The following HERC2 variants were observed in gnomAD, a reference collection of about 807,000 sequenced individuals.
The protein encoded by HERC2 is E3 ubiquitin-protein ligase HERC2.
Under a neutral mutation model 537.7 loss-of-function variants are expected in HERC2, and 102 were observed. That is an observed-to-expected ratio of 0.19 (90% CI 0.16 to 0.22). HERC2 has a LOEUF of 0.22. Ranked by LOEUF, HERC2 falls within the 10% of genes least tolerant of loss-of-function variation. The pLI, the probability that HERC2 is intolerant of heterozygous loss-of-function variation, is 1.00. For synonymous variants in HERC2, 2,224 were observed against 2,466.2 expected (o/e 0.90, Z 2.91); for missense variants, 4,236 against 6,198.2 (o/e 0.68, Z 10.63).
Position 28,176,908 on chromosome 15 carries a change from G to A in HERC2, c.9432+42C>T, listed in dbSNP as rs776139257. On this transcript the variant is annotated intron_variant, in intron 61 of 92. Transcript: ENST00000261609. This position sits in a 1 kb window ranked among gnomAD's most constrained non-coding sequence, Gnocchi z 5.0. ...AGCTTATTTTCTCTTGACATCTTCA[G>A]ATGGTAAGCTTTCTGCAAGCAACAA... 2 of 1,595,838 alleles carry A rather than the reference G, an allele frequency of 1.3e-6. No individual in the cohort carries two copies. The highest frequency in any genetic ancestry group is 2.2e-5 in the East Asian group (1 of 44,530).
intron 4 of HERC2, among the ~76,000 whole-genome samples, chr15:28,288,822 T>C (rs2076232537): frequency 6.9e-6 from 1 of 145,492 alleles, no homozygotes; most frequent in African/African-American, 2.6e-5. Flanking sequence ...CACTCCAGTC[T>C]GGGCAACAAC....
At chr15:28,304,367 T>C (rs1430931067) in intron 2 of HERC2, among the ~76,000 whole-genome samples, 3 of 129,290 alleles carry the variant, frequency 2.3e-5, no homozygotes, top group Admixed American at 1.5e-4. Context: ...TTATTTCTTC[T>C]TTTTTTTTTT....
At position 28,141,574 on chromosome 15, in the gene HERC2, C is replaced by A; in HGVS notation, c.11873G>T (p.Gly3958Val). 6.2e-7 allele frequency: 1 copy of A among 1,614,130 alleles called. No individual in the cohort carries two copies. The highest frequency in any genetic ancestry group is 8.5e-7 in the Non-Finnish European group (1 of 1,180,028). The change falls in exon 78 of 93, where the codon GGA (glycine) becomes GTA (valine). Residue 3958 changes from glycine (G) to valine (V), a missense_variant. Gly to Val is a moderately radical substitution (Grantham distance 109, BLOSUM62 -3). Transcript: ENST00000261609. ...CCCGAGCTGGCCCCTGTGATTATGTCCCCATCCATAAATTGTTCCACTGCC... is the reference window on the plus strand; with the variant it reads ...CCCGAGCTGGCCCCTGTGATTATGTACCCATCCATAAATTGTTCCACTGCC... ...AGGSGTIYGW[G>V]HNHRGQLGGI... is the part of the protein sequence containing the mutation.
At position 28,111,694 on chromosome 15, in the gene HERC2, C is replaced by T. The variant is rs1379151360; in HGVS notation, c.*69G>A. The T allele has an allele frequency of 1.3e-6, 2 of 1,526,920 alleles. No individual in the cohort carries two copies. Among genetic ancestry groups the T allele is most frequent in the African/African-American group, 1.4e-5 (1 of 72,852 alleles). The allele number at this position is 1,526,920 out of a possible 1,614,324, so 94.6% of individuals were successfully genotyped here. On this transcript the variant is annotated 3_prime_UTR_variant, in exon 93 of 93. Transcript: ENST00000261609. ...CTCATCAGACACACCAGGCAGCCTA[C>T]AGTCTACACAGCAGCGAGCGCTCTG...
chr15:28,130,338 G>A (rs1390631059), intron 82 of HERC2, 36 bp from the exon 83 acceptor site: 1 of 1,613,644 alleles, frequency 6.2e-7, no homozygotes. Flanking sequence ...TATGGGGCAA[G>A]GTGATCTCAC....
chr15:28,147,868 C>T (rs976850223), intron 70 of HERC2, among the ~76,000 whole-genome samples: 2 of 151,634 alleles, frequency 1.3e-5, no homozygotes, highest in Non-Finnish European at 2.9e-5. Context: ...AGACTCATCT[C>T]CACAAAAAAT....
intron 34 of HERC2, among the ~76,000 whole-genome samples, 161 bp from the exon 35 acceptor site, chr15:28,228,570 C>T (rs917203009): frequency 2.6e-5 from 4 of 152,040 alleles, no homozygotes; most frequent in Non-Finnish European, 4.4e-5. Context: ...AAAGCACGGG[C>T]GATTACTCTA....
At chr15:28,249,815 CTTTT>C (rs11340454) in intron 20 of HERC2, among the ~76,000 whole-genome samples, 7 of 134,364 alleles carry the variant, frequency 5.2e-5, no homozygotes, top group Admixed American at 7.5e-5. Flanking sequence ...GCCAAGCTAA[CTTTT>C]TTTTTTTTTT....
intron 79 of HERC2, among the ~76,000 whole-genome samples, 191 bp downstream of exon 79, chr15:28,135,287 G>A (rs1268944476): frequency 1.3e-5 from 2 of 152,140 alleles, no homozygotes; most frequent in Admixed American, 6.5e-5. Flanking sequence ...CCTCTCAACA[G>A]AGGAATCATA....
chr15:28,204,900 T>C (rs921630327), intron 45 of HERC2, among the ~76,000 whole-genome samples: 1 of 152,156 alleles, frequency 6.6e-6, no homozygotes, highest in Non-Finnish European at 1.5e-5. Flanking sequence ...TAATAGTATT[T>C]CCAGAAAAGA....
intron 90 of HERC2, among the ~76,000 whole-genome samples, chr15:28,114,183 A>T (rs1887972424): frequency 6.6e-6 from 1 of 152,152 alleles, no homozygotes; most frequent in African/African-American, 2.4e-5. Context: ...GGGTGGTGGT[A>T]ATGACCTGCC....
chr15:28,111,658 G>T lies in HERC2; in HGVS notation c.*105C>A. 1.6e-6 allele frequency: 2 copies of T among 1,263,110 alleles called. No homozygotes were observed. Among genetic ancestry groups the T allele is most frequent in the South Asian group, 1.4e-5 (1 of 70,744 alleles). The allele number at this position is 1,263,110 out of a possible 1,614,324, so 78.2% of individuals were successfully genotyped here. A position where few individuals can be genotyped will look rare whatever the true frequency, so the allele number is the denominator to read the frequency against. ...ACTCCCTCCTCCCGCCTGGCTCGAG[G>T]ACGGACGCTTCTCATCAGACACACC... On this transcript the variant is annotated 3_prime_UTR_variant, in exon 93 of 93. Coordinates refer to ENST00000261609, the MANE Select transcript of HERC2 (RefSeq NM_004667.6).
chr15:28,168,471 T>C lies in HERC2; in HGVS notation c.10349A>G (p.Glu3450Gly). The part of the protein sequence containing the change: ...SAMASPMNGE[E>G]CMLAVDIEDR... ...TTCGATATCAACAGCCAGCATGCAT[T>C]CTTCTCCATTCATGGGACTAGCCAT... Residue 3450 changes from glutamate to glycine, a missense_variant, in exon 67 of 93, where the codon GAA (glutamate) becomes GGA (glycine). Physicochemically the swap from Glu to Gly is moderately conservative, Grantham distance 98. This residue lies in a region of HERC2 where 356 missense variants were observed against 450.9 expected (regional missense o/e 0.79). Transcript: ENST00000261609. 6.2e-7 allele frequency: 1 copy of C among 1,614,214 alleles called. No individual in the cohort carries two copies. Among genetic ancestry groups the C allele is most frequent in the Admixed American group, 1.7e-5 (1 of 60,028 alleles).
chr15:28,195,723 C>T (rs1035237905), intron 52 of HERC2, among the ~76,000 whole-genome samples: 9 of 152,004 alleles, frequency 5.9e-5, no homozygotes, highest in Non-Finnish European at 1.3e-4. Context: ...AGTTTCTGAT[C>T]GGAGTGGTGA....
intron 4 of HERC2, among the ~76,000 whole-genome samples, chr15:28,292,099 G>A (rs1450301448): frequency 6.7e-6 from 1 of 150,042 alleles, no homozygotes; most frequent in East Asian, 2.0e-4. Flanking sequence ...CATGGTGGCG[G>A]ACACCTGTAA....
intron 78 of HERC2, among the ~76,000 whole-genome samples, chr15:28,139,585 G>A (rs1227381944): frequency 6.6e-6 from 1 of 152,194 alleles, no homozygotes; most frequent in South Asian, 2.1e-4. Flanking sequence ...AATAATAAAT[G>A]TGTGTGAGAC....
intron 56 of HERC2, among the ~76,000 whole-genome samples, chr15:28,184,836 T>C (rs1383795600): frequency 2.0e-5 from 3 of 151,338 alleles, no homozygotes; most frequent in African/African-American, 4.8e-5. Context: ...CACTCCAGCC[T>C]AGGTGACGGA....
intron 69 of HERC2, among the ~76,000 whole-genome samples, chr15:28,162,674 G>C (rs1341574592): frequency 6.6e-6 from 1 of 152,116 alleles, no homozygotes; most frequent in South Asian, 2.1e-4. Context: ...TGGATCACGA[G>C]GTCAGGAGAT....
At chr15:28,207,371 G>A (rs1202428137) in intron 44 of HERC2, among the ~76,000 whole-genome samples, 1 of 152,120 alleles carries the variant, frequency 6.6e-6, no homozygotes, top group Non-Finnish European at 1.5e-5. Context: ...CCTGACCTCA[G>A]GTGATCCACC....
Sources: allele counts gnomAD v4.1 joint callset (sites outside exome capture counted in the v4.1 genomes callset), GRCh38; gene constraint gnomAD v4.1.1; regional missense constraint gnomAD v4.1.1; non-coding constraint Gnocchi (gnomAD v3.1); transcripts MANE v1.5; gene names NCBI Gene and HGNC (gene_info 2026-07-23, HGNC 2026-07-21).